Variants in TTC7A observed in about 807,000 individuals in gnomAD.
TTC7A encodes the protein tetratricopeptide repeat protein 7A.
Under a neutral mutation model 103.7 loss-of-function variants are expected in TTC7A, and 110 were observed. The observed-to-expected ratio is 1.06, with a 90% CI of 0.91 to 1.24. The LOEUF (loss-of-function observed/expected upper bound fraction) is 1.24, where lower values mean the gene tolerates loss of function less well. TTC7A is among the 50% of genes most tolerant of loss of function. The pLI is 0.00. For missense variants in TTC7A, 1,340 were observed against 1,116.3 expected, an observed-to-expected ratio of 1.20 and a Z score of -2.86; for synonymous variants, 521 against 467.9, an observed-to-expected ratio of 1.11 and a Z score of -1.47.
chr2:46,979,712 A>C (rs1161695438), intron 5 of TTC7A, among the ~76,000 whole-genome samples: 1 of 152,182 alleles, frequency 6.6e-6, no homozygotes, highest in African/African-American at 2.4e-5. Context: ...CTTCATGGCT[A>C]TTCCGCAACT....
chr2:46,997,912 T>C (rs766467058), intron 8 of TTC7A, among the ~76,000 whole-genome samples: 3 of 152,066 alleles, frequency 2.0e-5, no homozygotes, highest in Admixed American at 6.5e-5. Context: ...CCCCAAACCC[T>C]CCAAGTGGAG....
intron 3 of TTC7A, among the ~76,000 whole-genome samples, chr2:46,970,760 T>C (rs1467830886): frequency 6.6e-6 from 1 of 152,226 alleles, no homozygotes; most frequent in East Asian, 1.9e-4. Context: ...GCCTCCTTGA[T>C]TCTTTCTCGG....
At chr2:47,004,511 A>G (rs1677167177) in intron 8 of TTC7A, among the ~76,000 whole-genome samples, 1 of 152,092 alleles carries the variant, frequency 6.6e-6, no homozygotes, top group Non-Finnish European at 1.5e-5. Context: ...CTGGGTTTTT[A>G]GGGCTGGCAG....
chr2:46,978,547 T>A (rs1223366803), intron 4 of TTC7A, among the ~76,000 whole-genome samples: 5 of 147,508 alleles, frequency 3.4e-5, no homozygotes, highest in Non-Finnish European at 7.5e-5. Flanking sequence ...GGCAACATAG[T>A]AAGACCCTGT....
At chr2:46,925,921 G>T (rs963219328) in intron 2 of TTC7A, among the ~76,000 whole-genome samples, 3 of 152,184 alleles carry the variant, frequency 2.0e-5, no homozygotes, top group African/African-American at 7.2e-5. Context: ...CACTACAACA[G>T]TGCCACCCAG....
At chr2:47,058,281 C>A (rs944870738) in intron 18 of TTC7A, among the ~76,000 whole-genome samples, 1 of 152,226 alleles carries the variant, frequency 6.6e-6, no homozygotes, top group Non-Finnish European at 1.5e-5. Context: ...CTCCCAAGTT[C>A]TCATCTCCAC....
At chr2:47,032,859 CAAAAAAAAAAAA>C (rs10586448) in intron 15 of TTC7A, among the ~76,000 whole-genome samples, 27 of 87,938 alleles carry the variant, frequency 3.1e-4, no homozygotes, top group South Asian at 5.0e-4. Flanking sequence ...TTGTTTTAAG[CAAAAAAAAAAAA>C]AAAAAAAAAA....
chr2:47,024,190 A>G (rs575554391), intron 13 of TTC7A, 97 bp from the exon 14 acceptor site: 4 of 1,104,002 alleles, frequency 3.6e-6, no homozygotes, highest in Non-Finnish European at 5.1e-6. Flanking sequence ...GTATTGCCTC[A>G]TAGCGCCCAG....
intron 1 of TTC7A, among the ~76,000 whole-genome samples, chr2:46,944,117 G>A (rs1488734892): frequency 6.6e-6 from 1 of 152,150 alleles, no homozygotes; most frequent in Non-Finnish European, 1.5e-5. Context: ...TGGAGCAGGG[G>A]AACCCCAGAG....
intron 18 of TTC7A, among the ~76,000 whole-genome samples, chr2:47,054,415 A>T (rs759365995): frequency 3.3e-5 from 5 of 152,180 alleles, no homozygotes; most frequent in African/African-American, 4.8e-5. Flanking sequence ...CCCTATAAGG[A>T]CATGTCCTGG....
At chr2:46,927,060 T>G (rs1669420698) in intron 2 of TTC7A, among the ~76,000 whole-genome samples, 1 of 151,650 alleles carries the variant, frequency 6.6e-6, no homozygotes, top group Non-Finnish European at 1.5e-5. Flanking sequence ...GTATCTAGAA[T>G]GAAGAGAGAC....
chr2:46,983,252 C>T (rs1674656509), intron 5 of TTC7A, among the ~76,000 whole-genome samples: 1 of 152,188 alleles, frequency 6.6e-6, no homozygotes, highest in African/African-American at 2.4e-5. Context: ...GCTGCTTGGA[C>T]CACTTGTGCC....
intron 15 of TTC7A, 126 bp downstream of exon 15, chr2:47,029,510 A>C: frequency 2.0e-5 from 21 of 1,067,098 alleles, no homozygotes; most frequent in Non-Finnish European, 2.5e-5. Flanking sequence ...TGCATGCACA[A>C]TCCCTGGTGG....
chr2:47,013,606 G>A (rs2104499413), intron 11 of TTC7A, among the ~76,000 whole-genome samples: 1 of 152,340 alleles, frequency 6.6e-6, no homozygotes, highest in South Asian at 2.1e-4. Flanking sequence ...CCCTTGCCAG[G>A]AAGCCCTAAA....
chr2:47,056,412 T>C (rs1211484667), intron 18 of TTC7A, among the ~76,000 whole-genome samples: 1 of 152,134 alleles, frequency 6.6e-6, no homozygotes, highest in Non-Finnish European at 1.5e-5. Context: ...GGAAGCACAC[T>C]CACCTGGAGA....
chr2:47,016,324 C>A (rs1451875931), intron 11 of TTC7A, among the ~76,000 whole-genome samples: 1 of 152,198 alleles, frequency 6.6e-6, no homozygotes. Context: ...GAATCAGCAT[C>A]AGGAGACTGG....
intron 10 of TTC7A, 103 bp downstream of exon 10, chr2:47,006,827 C>G (rs562946501): frequency 1.1e-6 from 1 of 947,852 alleles, no homozygotes; most frequent in African/African-American, 1.6e-5. Context: ...GGGTATTATC[C>G]TGCCGCTGGT....
At chr2:47,009,900 TTTTGGTGG>T (rs1677847277) in intron 10 of TTC7A, among the ~76,000 whole-genome samples, 1 of 139,040 alleles carries the variant, frequency 7.2e-6, no homozygotes, top group Non-Finnish European at 1.6e-5. Context: ...TTTTTTTTTT[TTTTGGTGG>T]TGGGGGGGAC....
chr2:47,028,957 C>T (rs1340098161), intron 14 of TTC7A, among the ~76,000 whole-genome samples: 1 of 152,216 alleles, frequency 6.6e-6, no homozygotes, highest in Non-Finnish European at 1.5e-5. Context: ...GGCTTCCACT[C>T]CTCCCATTTA....
Sources: gnomAD v4.1 joint callset for allele counts (sites outside exome capture counted in the v4.1 genomes callset) on GRCh38, gnomAD v4.1.1 for gene constraint, MANE v1.5 for transcripts, NCBI Gene and HGNC (gene_info 2026-07-23, HGNC 2026-07-21) for gene names.